NXPE4: variants seen among roughly 807,000 people sequenced by gnomAD.
NXPE4 encodes the protein neurexophilin and PC-esterase domain family member 4.
A neutral mutation model predicts 33.3 loss-of-function variants in NXPE4; 42 were observed. The ratio of observed to expected loss-of-function variants is 1.26; its 90% CI spans 0.98 to 1.63. The LOEUF (loss-of-function observed/expected upper bound fraction) is 1.63, where lower values mean the gene tolerates loss of function less well. Ranked by LOEUF, NXPE4 falls within the 40% of genes most tolerant of loss-of-function variation. The probability of loss-of-function intolerance (pLI) is 0.00; values close to 1 mark genes in which losing one functional copy is unlikely to be tolerated. For missense variants in NXPE4, 709 were observed against 647.6 expected, an observed-to-expected ratio of 1.09 and a Z score of -1.03; for synonymous variants, 253 against 234.9, an observed-to-expected ratio of 1.08 and a Z score of -0.71.
chr11:114,640,456 C>A, the NXPE4 span, among the ~76,000 whole-genome samples: 5 of 151,468 alleles, frequency 3.3e-5, no homozygotes, highest in Admixed American at 6.6e-5. Flanking sequence ...GACTTCTTTT[C>A]CTCTGGGTAG....
chr11:114,571,349 A>ATAGG lies in NXPE4; in HGVS notation c.1220_1223dup (p.Ser409LeufsTer14), dbSNP rs774461783. The ATAGG allele has an allele frequency of 6.2e-7, 1 of 1,614,030 alleles. No homozygotes were observed. The highest frequency in any genetic ancestry group is 1.1e-5 in the South Asian group (1 of 91,082). ...TGAGGTACTCCATCTCTTTGACTGA[A>ATAGG]TAGGTCATTGATCCTATCAAGGGAT... On this transcript the variant is annotated frameshift_variant, in exon 6 of 6. Coordinates refer to ENST00000375478, the MANE Select transcript of NXPE4 (RefSeq NM_001077639.2). LOFTEE classifies it low-confidence loss of function (END_TRUNC).
At position 114,571,250 on chromosome 11, in the gene NXPE4, G is replaced by A; in HGVS notation, c.1323C>T (p.Pro441=). The change falls in exon 6 of 6, where the codon CCC becomes CCT. Residue 441 remains proline, a synonymous_variant. Transcript: ENST00000375478. Reference sequence around the variant, plus strand: ...TTCGGATAAAAACATCAATGGGAAAGGGTCTGAAATGCTGGCCCAGGGAAA... The same window carrying A: ...TTCGGATAAAAACATCAATGGGAAAAGGTCTGAAATGCTGGCCCAGGGAAA... ...IVISLGQHFR[P]FPIDVFIRRA... is the part of the protein sequence containing the mutation. 1 of 1,614,032 alleles carries A rather than the reference G, an allele frequency of 6.2e-7. No homozygotes were observed. Among genetic ancestry groups the A allele is most frequent in the Non-Finnish European group, 8.5e-7 (1 of 1,179,944 alleles).
At chr11:114,614,225 C>A in the NXPE4 span, among the ~76,000 whole-genome samples, 2 of 151,666 alleles carry the variant, frequency 1.3e-5, no homozygotes, top group Non-Finnish European at 2.9e-5. Flanking sequence ...ATAAGTGTTG[C>A]CTCGTGGGTA....
chr11:114,570,632 T>A lies in NXPE4; in HGVS notation c.*306A>T, dbSNP rs1404067529. On this transcript the variant is annotated 3_prime_UTR_variant, in exon 6 of 6. Transcript: ENST00000375478. ...TTATTTTAAAATTACTTTATCACTC[T>A]GAGTTTTCATGCATCAGAGAGAACT... The A allele has an allele frequency of 4.9e-6, 1 of 204,946 alleles. No homozygotes were observed. Among genetic ancestry groups the A allele is most frequent in the Non-Finnish European group, 9.7e-6 (1 of 103,448 alleles). The allele number at this position is 204,946 out of a possible 1,614,324, so 12.7% of individuals were successfully genotyped here.
At chr11:114,590,022 A>G (rs1449561889) in intron 2 of NXPE4, among the ~76,000 whole-genome samples, 2 of 152,218 alleles carry the variant, frequency 1.3e-5, no homozygotes, top group East Asian at 1.9e-4. Flanking sequence ...CTGACTCTCA[A>G]TACCTGTTTG....
chr11:114,657,283 G>T, the NXPE4 span, among the ~76,000 whole-genome samples: 1 of 152,096 alleles, frequency 6.6e-6, no homozygotes, highest in Non-Finnish European at 1.5e-5. Context: ...CTTAGCCAGG[G>T]GTCCCCTTGG....
At chr11:114,636,953 G>C in the NXPE4 span, among the ~76,000 whole-genome samples, 5 of 152,250 alleles carry the variant, frequency 3.3e-5, no homozygotes, top group East Asian at 9.6e-4. Flanking sequence ...ATTTGGGGTG[G>C]AGAGTTCTGT....
At chr11:114,632,031 T>C in the NXPE4 span, among the ~76,000 whole-genome samples, 1 of 146,356 alleles carries the variant, frequency 6.8e-6, no homozygotes. Flanking sequence ...AATTATACTT[T>C]ATATATAATA....
chr11:114,584,310 C>A, intron 2 of NXPE4: 1 of 509,430 alleles, frequency 2.0e-6, no homozygotes, highest in Non-Finnish European at 4.0e-6. Context: ...ATATGACTAA[C>A]CAGAACACTA....
At chr11:114,627,714 C>A in the NXPE4 span, among the ~76,000 whole-genome samples, 1 of 152,158 alleles carries the variant, frequency 6.6e-6, no homozygotes, top group South Asian at 2.1e-4. Context: ...AATTAAAAGA[C>A]ACAGATTGGC....
At chr11:114,585,947 G>T (rs1303989110) in intron 2 of NXPE4, among the ~76,000 whole-genome samples, 3 of 152,076 alleles carry the variant, frequency 2.0e-5, no homozygotes, top group Non-Finnish European at 4.4e-5. Flanking sequence ...AAAAAAGCAG[G>T]CAACATGGAG....
At chr11:114,649,654 G>A in the NXPE4 span, among the ~76,000 whole-genome samples, 1 of 152,180 alleles carries the variant, frequency 6.6e-6, no homozygotes, top group African/African-American at 2.4e-5. Flanking sequence ...ATATAAAGTA[G>A]GTTGAGCTGG....
At chr11:114,662,722 AG>A in the NXPE4 span, among the ~76,000 whole-genome samples, 1 of 152,098 alleles carries the variant, frequency 6.6e-6, no homozygotes, top group Non-Finnish European at 1.5e-5. Context: ...ACAGCAGGAT[AG>A]GGTATGGGTC....
At chr11:114,623,732 TG>T in the NXPE4 span, among the ~76,000 whole-genome samples, 1 of 152,090 alleles carries the variant, frequency 6.6e-6, no homozygotes, top group African/African-American at 2.4e-5. Context: ...TATTGCCTCA[TG>T]GGTAACCACT....
At chr11:114,606,751 G>C in the NXPE4 span, among the ~76,000 whole-genome samples, 1 of 151,948 alleles carries the variant, frequency 6.6e-6, no homozygotes, top group Non-Finnish European at 1.5e-5. Flanking sequence ...TGGATAATAA[G>C]TAGTACCACA....
chr11:114,604,926 G>A, the NXPE4 span, among the ~76,000 whole-genome samples: 1 of 151,924 alleles, frequency 6.6e-6, no homozygotes, highest in Non-Finnish European at 1.5e-5. Context: ...GTTGCCTCTA[G>A]GGTACCCACT....
At chr11:114,608,588 T>A in the NXPE4 span, among the ~76,000 whole-genome samples, 4 of 150,540 alleles carry the variant, frequency 2.7e-5, no homozygotes, top group Non-Finnish European at 5.9e-5. Flanking sequence ...CACTGGATAA[T>A]AATTGTTGCC....
chr11:114,665,791 C>T, the NXPE4 span, among the ~76,000 whole-genome samples: 3 of 152,130 alleles, frequency 2.0e-5, no homozygotes, highest in African/African-American at 7.2e-5. Context: ...TAAAGTTTCT[C>T]CTTGGAACTT....
chr11:114,604,969 G>A, the NXPE4 span, among the ~76,000 whole-genome samples: 1 of 151,830 alleles, frequency 6.6e-6, no homozygotes, highest in East Asian at 1.9e-4. Context: ...TTGCCTCTAG[G>A]GTAACCACTG....
Sources: gnomAD v4.1 joint callset for allele counts (sites outside exome capture counted in the v4.1 genomes callset) on GRCh38, gnomAD v4.1.1 for gene constraint, MANE v1.5 for transcripts, NCBI Gene and HGNC (gene_info 2026-07-23, HGNC 2026-07-21) for gene names.